NAA50: variants seen among roughly 807,000 people sequenced by gnomAD.
NAA50 encodes the protein N-alpha-acetyltransferase 50.
A neutral mutation model predicts 20.7 loss-of-function variants in NAA50; 7 were observed. That is an observed-to-expected ratio of 0.34 (90% CI 0.19 to 0.63). The LOEUF is 0.63. Among genes scored for constraint, NAA50 ranks in the 30% least tolerant of loss-of-function variants. NAA50 has a pLI of 0.75. For missense variants in NAA50, 111 were observed against 199.1 expected, an observed-to-expected ratio of 0.56 and a Z score of 2.66; for synonymous variants, 54 against 70.6, an observed-to-expected ratio of 0.77 and a Z score of 1.18.
intron 1 of NAA50, among the ~76,000 whole-genome samples, chr3:113,737,266 A>T (rs146732407): frequency 6.6e-6 from 1 of 152,328 alleles, no homozygotes; most frequent in East Asian, 1.9e-4. Context: ...GTTAGGATCA[A>T]ATGGTCCTTT....
At position 113,719,550 on chromosome 3, in the gene NAA50, G is replaced by A. The variant is rs1286880096; in HGVS notation, c.*2210C>T. 1 of 152,470 alleles carries A rather than the reference G, an allele frequency of 6.6e-6. No individual in the cohort carries two copies. The highest frequency in any genetic ancestry group is 1.9e-4 in the East Asian group (1 of 5,196). The allele number at this position is 152,470 out of a possible 1,614,324, so 9.4% of individuals were successfully genotyped here. On this transcript the variant is annotated 3_prime_UTR_variant, in exon 5 of 5. Coordinates refer to ENST00000240922, the MANE Select transcript of NAA50 (RefSeq NM_025146.4). ...TCCACATTCTCCTCCTCCTCCATAAGTGGATGGAATTATTTAACTAAGTTT... is the reference window on the plus strand; with the variant it reads ...TCCACATTCTCCTCCTCCTCCATAAATGGATGGAATTATTTAACTAAGTTT...
At chr3:113,744,988 C>T (rs1708469769) in intron 1 of NAA50, among the ~76,000 whole-genome samples, 1 of 152,192 alleles carries the variant, frequency 6.6e-6, no homozygotes, top group South Asian at 2.1e-4. Context: ...CTTACAACAA[C>T]AAACTATGGC....
rs1436794940 is a variant in NAA50 at position 113,723,541 on chromosome 3, G to A, written c.146C>T (p.Ala49Val). 6.3e-7 allele frequency: 1 copy of A among 1,596,476 alleles called. No individual in the cohort carries two copies. The highest frequency in any genetic ancestry group is 1.1e-5 in the South Asian group (1 of 88,112). ...ACCTACAGCAATATCATTGAAATAGGCTGCCAAGGAAAACATAAAGATATA... is the reference window on the plus strand; with the variant it reads ...ACCTACAGCAATATCATTGAAATAGACTGCCAAGGAAAACATAAAGATATA... ...VLEVGELAKL[A>V]YFNDIAVGAV... is the part of the protein sequence containing the mutation. The change falls in exon 3 of 5, where the codon GCC becomes GTC. Residue 49 changes from alanine (A) to valine (V), a missense_variant and splice_region_variant. Physicochemically the swap from Ala to Val is moderately conservative, Grantham distance 64. Transcript: ENST00000240922.
intron 1 of NAA50, among the ~76,000 whole-genome samples, chr3:113,733,879 CAG>C (rs1269882133): frequency 8.0e-6 from 1 of 124,998 alleles, no homozygotes; most frequent in African/African-American, 3.2e-5. Flanking sequence ...AAAAAAAAGA[CAG>C]AAAAAATATT....
intron 1 of NAA50, chr3:113,739,439 AAATT>A (rs1022916500): frequency 2.6e-5 from 4 of 152,342 alleles, no homozygotes; most frequent in African/African-American, 9.6e-5. Flanking sequence ...TTGATCCAGA[AAATT>A]CATTCTTAGG....
intron 1 of NAA50, among the ~76,000 whole-genome samples, chr3:113,736,165 T>C (rs1708338905): frequency 6.6e-6 from 1 of 152,234 alleles, no homozygotes; most frequent in Non-Finnish European, 1.5e-5. Context: ...TGAAGACAGT[T>C]GTTATTAAAT....
rs945770505 is a variant in NAA50, at chr3:113,718,285, A to G, written c.*3475T>C. ...TGGAAATGGCTCCTCTAGCCTTGTCAAGCTTCAAGATGGTACAGTCCTGGC... is the reference window on the plus strand; with the variant it reads ...TGGAAATGGCTCCTCTAGCCTTGTCGAGCTTCAAGATGGTACAGTCCTGGC... On this transcript the variant is annotated 3_prime_UTR_variant, in exon 5 of 5. Transcript: ENST00000240922. The G allele has an allele frequency of 6.6e-6, 1 of 152,186 alleles. No individual in the cohort carries two copies. Among genetic ancestry groups the G allele is most frequent in the Non-Finnish European group, 1.5e-5 (1 of 68,026 alleles). 9.4% of individuals were successfully genotyped at this position (152,186 alleles called of 1,614,324 possible).
intron 1 of NAA50, among the ~76,000 whole-genome samples, chr3:113,742,284 C>T (rs536715245): frequency 6.6e-6 from 1 of 152,096 alleles, no homozygotes; most frequent in South Asian, 2.1e-4. Flanking sequence ...TTTTTTAAGA[C>T]CAGTTTTCGC....
rs1708063164 is a variant in NAA50 at position 113,717,192 on chromosome 3, C to T, written c.*4568G>A. Reference sequence around the variant, plus strand: ...CTCTACTAAAATACAAAAAATTAGCCAGGCGTGGTGGCATGCGCTTTCTAG... The same window carrying T: ...CTCTACTAAAATACAAAAAATTAGCTAGGCGTGGTGGCATGCGCTTTCTAG... On this transcript the variant is annotated 3_prime_UTR_variant, in exon 5 of 5. Transcript: ENST00000240922. The T allele has an allele frequency of 6.6e-6, 1 of 152,108 alleles. No individual in the cohort carries two copies. Among genetic ancestry groups the T allele is most frequent in the African/African-American group, 2.4e-5 (1 of 41,402 alleles). The allele number at this position is 152,108 out of a possible 1,614,324, so 9.4% of individuals were successfully genotyped here. A position where few individuals can be genotyped will look rare whatever the true frequency, so the allele number is the denominator to read the frequency against.
chr3:113,721,995 A>G (rs573239820), intron 4 of NAA50, 58 bp from the exon 5 acceptor site: 1 of 1,501,794 alleles, frequency 6.7e-7, no homozygotes, highest in African/African-American at 1.4e-5. Flanking sequence ...TCAAGTTTTA[A>G]GCATTCTCCA....
intron 1 of NAA50, among the ~76,000 whole-genome samples, chr3:113,739,793 G>A (rs62265554): frequency 1.6e-4 from 24 of 152,202 alleles, no homozygotes; most frequent in Non-Finnish European, 3.5e-4. Flanking sequence ...GGGATGGGAA[G>A]TAGATTCTAA....
At chr3:113,744,815 C>A (rs1413414001) in intron 1 of NAA50, among the ~76,000 whole-genome samples, 2 of 152,360 alleles carry the variant, frequency 1.3e-5, no homozygotes, top group African/African-American at 4.8e-5. Flanking sequence ...CTTGGAATCT[C>A]TTCAGGAACC....
At chr3:113,733,802 G>C (rs1708302114) in intron 1 of NAA50, among the ~76,000 whole-genome samples, 1 of 133,830 alleles carries the variant, frequency 7.5e-6, no homozygotes, top group Admixed American at 8.4e-5. Flanking sequence ...TCAGTGAGCT[G>C]AGATCACGAT....
intron 1 of NAA50, among the ~76,000 whole-genome samples, chr3:113,733,468 G>C (rs902105662): frequency 6.6e-6 from 1 of 151,944 alleles, no homozygotes; most frequent in African/African-American, 2.4e-5. Context: ...TTACAAGACA[G>C]AAAATAAGTA....
Position 113,721,942 on chromosome 3 carries a change from G to A in NAA50, c.333-5C>T. On this transcript the variant is annotated splice_region_variant and splice_polypyrimidine_tract_variant and intron_variant, in intron 4 of 4. Coordinates refer to ENST00000240922, the MANE Select transcript of NAA50 (RefSeq NM_025146.4). Reference sequence around the variant, plus strand: ...TCATTGCTGATCTGGACATGCCTGAGATATAAGAGAGTATCAGAAAAAAAA... The same window carrying A: ...TCATTGCTGATCTGGACATGCCTGAAATATAAGAGAGTATCAGAAAAAAAA... The A allele has an allele frequency of 6.3e-7, 1 of 1,599,006 alleles. No homozygotes were observed. Among genetic ancestry groups the A allele is most frequent in the African/African-American group, 1.4e-5 (1 of 73,546 alleles).
chr3:113,740,808 G>T, intron 1 of NAA50: 1 of 193,326 alleles, frequency 5.2e-6, no homozygotes, highest in South Asian at 1.0e-4. Context: ...AATCAATTTG[G>T]TAAAACAAAT....
chr3:113,721,327 C>A lies in NAA50; in HGVS notation c.*433G>T. 1 of 178,640 alleles carries A rather than the reference C, an allele frequency of 5.6e-6. No homozygotes were observed. The highest frequency in any genetic ancestry group is 1.2e-5 in the Non-Finnish European group (1 of 86,036). 11.1% of individuals were successfully genotyped at this position (178,640 alleles called of 1,614,324 possible). The stretch of plus-strand genomic sequence containing the variant: ...TAGTATCCCAAAGTGTTTAAAAACC[C>A]AAAGTACCACAAACACACTCAACTT... On this transcript the variant is annotated 3_prime_UTR_variant, in exon 5 of 5. Transcript: ENST00000240922.
chr3:113,743,615 T>C (rs1168325584), intron 1 of NAA50, among the ~76,000 whole-genome samples: 2 of 152,206 alleles, frequency 1.3e-5, no homozygotes, highest in Non-Finnish European at 2.9e-5. Flanking sequence ...AATTAAAAAG[T>C]TTCATCTCAT....
At chr3:113,726,730 C>T (rs1708203887) in intron 1 of NAA50, among the ~76,000 whole-genome samples, 1 of 145,452 alleles carries the variant, frequency 6.9e-6, no homozygotes, top group African/African-American at 2.6e-5. Context: ...GGCGAGAGAG[C>T]AAGACTCCGC....
Sources: gnomAD v4.1 joint callset for allele counts (sites outside exome capture counted in the v4.1 genomes callset) on GRCh38, gnomAD v4.1.1 for gene constraint, MANE v1.5 for transcripts, NCBI Gene and HGNC (gene_info 2026-07-23, HGNC 2026-07-21) for gene names.